TUSC3: variants seen among roughly 807,000 people sequenced by gnomAD.
TUSC3 encodes tumor suppressor candidate 3.
In TUSC3, 45 loss-of-function variants were observed where a neutral mutation model predicts 44.8. The ratio of observed to expected loss-of-function variants is 1.00; its 90% CI spans 0.79 to 1.29. The LOEUF (loss-of-function observed/expected upper bound fraction) is 1.29, where lower values mean the gene tolerates loss of function less well. Among genes scored for constraint, TUSC3 ranks in the 50% most tolerant of loss-of-function variants. The pLI is 0.00. For synonymous variants in TUSC3, 212 were observed against 152.9 expected (o/e 1.39, Z -2.85); for missense variants, 519 against 437.9 (o/e 1.19, Z -1.65).
the TUSC3 span, among the ~76,000 whole-genome samples, chr8:15,805,598 T>G: frequency 6.6e-6 from 1 of 152,316 alleles, no homozygotes; most frequent in South Asian, 2.1e-4. Context: ...ACGTGATTTT[T>G]GTTTTCAGTT....
At chr8:15,767,943 C>CTCTAGAA (rs1812373586), downstream of TUSC3, among the ~76,000 whole-genome samples, 1 of 152,078 alleles carries the variant, frequency 6.6e-6, no homozygotes, top group African/African-American at 2.4e-5. Context: ...GTAACAGGGA[C>CTCTAGAA]TCTAGAAGGA....
At chr8:15,481,354 T>C (rs945342333) in intron 1 of TUSC3, among the ~76,000 whole-genome samples, 2 of 152,050 alleles carry the variant, frequency 1.3e-5, no homozygotes, top group Non-Finnish European at 2.9e-5. Flanking sequence ...GGATTCATTA[T>C]TGAGGTAGCA....
chr8:15,845,712 G>C, the TUSC3 span, among the ~76,000 whole-genome samples: 1 of 152,090 alleles, frequency 6.6e-6, no homozygotes, highest in Non-Finnish European at 1.5e-5. Flanking sequence ...TAGGGGTTTG[G>C]AAAAGTGAAC....
At chr8:15,711,421 C>G (rs186189111) in intron 6 of TUSC3, among the ~76,000 whole-genome samples, 2 of 150,226 alleles carry the variant, frequency 1.3e-5, no homozygotes, top group African/African-American at 4.9e-5. Flanking sequence ...AAAAACTTAT[C>G]TCAGAAAAGA....
At chr8:15,517,712 A>G (rs923173513) in intron 2 of TUSC3, among the ~76,000 whole-genome samples, 6 of 152,082 alleles carry the variant, frequency 3.9e-5, no homozygotes, top group African/African-American at 9.7e-5. Flanking sequence ...CAGCTGTATT[A>G]TATAAATAGT....
At chr8:15,791,961 T>A in the TUSC3 span, among the ~76,000 whole-genome samples, 1 of 152,132 alleles carries the variant, frequency 6.6e-6, no homozygotes, top group Non-Finnish European at 1.5e-5. Flanking sequence ...AACTGTTTCT[T>A]AGTATTTAAA....
intron 1 of TUSC3, among the ~76,000 whole-genome samples, chr8:15,559,056 G>T (rs1268863273): frequency 6.9e-6 from 1 of 145,614 alleles, no homozygotes; most frequent in Non-Finnish European, 1.5e-5. Context: ...TTTTGAATGT[G>T]TTTGCTCTTG....
At chr8:15,758,622 T>A (rs2129223488) in intron 10 of TUSC3, among the ~76,000 whole-genome samples, 1 of 152,090 alleles carries the variant, frequency 6.6e-6, no homozygotes, top group East Asian at 1.9e-4. Context: ...CCACTGAACG[T>A]AGGGAAGGAA....
At chr8:15,495,460 T>A (rs1800868712) in intron 2 of TUSC3, among the ~76,000 whole-genome samples, 1 of 152,164 alleles carries the variant, frequency 6.6e-6, no homozygotes. Context: ...TGCCTGAACC[T>A]CCAGCAGGAC....
chr8:15,482,000 C>T (rs1800669231), intron 1 of TUSC3, among the ~76,000 whole-genome samples: 2 of 152,190 alleles, frequency 1.3e-5, no homozygotes, highest in South Asian at 4.1e-4. Context: ...CTTCTCCAAT[C>T]CAGCTGCTTC....
chr8:15,699,224 A>G (rs1470927188), intron 6 of TUSC3, among the ~76,000 whole-genome samples: 1 of 151,044 alleles, frequency 6.6e-6, no homozygotes, highest in Non-Finnish European at 1.5e-5. Context: ...TAACTGTAAC[A>G]ACTATTCAGT....
chr8:15,688,642 A>G (rs1808745770), intron 6 of TUSC3, among the ~76,000 whole-genome samples: 1 of 152,106 alleles, frequency 6.6e-6, no homozygotes, highest in Non-Finnish European at 1.5e-5. Flanking sequence ...TGTTTGAAAT[A>G]GAAATTTATT....
intron 2 of TUSC3, among the ~76,000 whole-genome samples, chr8:15,633,863 T>C (rs979907375): frequency 6.6e-6 from 1 of 152,172 alleles, no homozygotes; most frequent in Non-Finnish European, 1.5e-5. Flanking sequence ...TGTGATACTT[T>C]GTTATGGCCA....
At chr8:15,676,422 G>A (rs907089825) in intron 6 of TUSC3, among the ~76,000 whole-genome samples, 1 of 152,124 alleles carries the variant, frequency 6.6e-6, no homozygotes, top group Non-Finnish European at 1.5e-5. Context: ...TCTGTAGGGT[G>A]TCTTTTTAGT....
the TUSC3 span, among the ~76,000 whole-genome samples, chr8:15,778,099 C>CAAAA: frequency 7.1e-3 from 955 of 134,678 alleles, 16 homozygotes; most frequent in African/African-American, 0.024. Context: ...CACTTTAAGG[C>CAAAA]AAAAAAAAAA....
intron 1 of TUSC3, among the ~76,000 whole-genome samples, chr8:15,572,638 C>T (rs373177158): frequency 3.2e-4 from 49 of 152,114 alleles, no homozygotes; most frequent in African/African-American, 1.1e-3. Flanking sequence ...GCCTTCCTCA[C>T]TAAGTTTAAT....
chr8:15,490,662 G>A (rs1800796338), intron 2 of TUSC3, among the ~76,000 whole-genome samples: 1 of 152,188 alleles, frequency 6.6e-6, no homozygotes. Flanking sequence ...TAAAAGAGAT[G>A]CTGATTTATG....
chr8:15,780,559 G>A, the TUSC3 span, among the ~76,000 whole-genome samples: 16 of 152,366 alleles, frequency 1.1e-4, no homozygotes, highest in Non-Finnish European at 2.1e-4. Context: ...GAAGGCACTT[G>A]CCAGCATACT....
intron 2 of TUSC3, among the ~76,000 whole-genome samples, chr8:15,508,970 G>C (rs1252167222): frequency 6.6e-6 from 1 of 152,146 alleles, no homozygotes; most frequent in Non-Finnish European, 1.5e-5. Context: ...ACTGTCTCAG[G>C]TTCCAGAAGT....
Sources: allele counts gnomAD v4.1 joint callset (sites outside exome capture counted in the v4.1 genomes callset), GRCh38; gene constraint gnomAD v4.1.1; transcripts MANE v1.5; gene names NCBI Gene and HGNC (gene_info 2026-07-23, HGNC 2026-07-21).